Variants in RBM47 observed in about 807,000 individuals in gnomAD.
RBM47 encodes RNA binding motif protein 47.
RBM47 carries 21 observed loss-of-function variants against 47.1 expected under a neutral mutation model. The ratio of observed to expected loss-of-function variants is 0.45; its 90% CI spans 0.32 to 0.64. RBM47 has a LOEUF of 0.64. Among genes scored for constraint, RBM47 ranks in the 30% least tolerant of loss-of-function variants. RBM47 has a pLI of 0.05. For synonymous variants in RBM47, 375 were observed against 361.7 expected (o/e 1.04, Z -0.42); for missense variants, 708 against 870.9 (o/e 0.81, Z 2.35).
At chr4:40,579,357 G>A (rs1288000178) in intron 1 of RBM47, among the ~76,000 whole-genome samples, 6 of 148,094 alleles carry the variant, frequency 4.1e-5, no homozygotes, top group Non-Finnish European at 5.9e-5. Context: ...GGGAGGTGGA[G>A]GTTGTAGTGA....
intron 2 of RBM47, among the ~76,000 whole-genome samples, chr4:40,536,830 A>G (rs1728039891): frequency 6.6e-6 from 1 of 151,882 alleles, no homozygotes; most frequent in Non-Finnish European, 1.5e-5. Context: ...GGTTCAAGCA[A>G]TTCTCCTGCC....
intron 1 of RBM47, among the ~76,000 whole-genome samples, chr4:40,606,387 G>C (rs1735762949): frequency 6.6e-6 from 1 of 152,036 alleles, no homozygotes; most frequent in Non-Finnish European, 1.5e-5. Context: ...AAAAACGGTG[G>C]ACTAGTGGCA....
At chr4:40,520,373 C>T (rs1337008525) in intron 2 of RBM47, among the ~76,000 whole-genome samples, 1 of 152,020 alleles carries the variant, frequency 6.6e-6, no homozygotes, top group Non-Finnish European at 1.5e-5. Context: ...GCAGGTATAC[C>T]CCTAGAATTT....
At chr4:40,526,299 C>T (rs886167018) in intron 2 of RBM47, among the ~76,000 whole-genome samples, 6 of 152,180 alleles carry the variant, frequency 3.9e-5, no homozygotes, top group Admixed American at 6.6e-5. Flanking sequence ...ATCTACTCCC[C>T]GCCAGCCTGG....
intron 2 of RBM47, among the ~76,000 whole-genome samples, chr4:40,528,281 C>T (rs1474086183): frequency 2.0e-5 from 3 of 151,966 alleles, no homozygotes; most frequent in Non-Finnish European, 2.9e-5. Context: ...CGTGGTGGCA[C>T]GCCTGTAGTC....
At chr4:40,481,718 ATTT>A (rs1383583027) in intron 2 of RBM47, among the ~76,000 whole-genome samples, 1 of 151,894 alleles carries the variant, frequency 6.6e-6, no homozygotes, top group Non-Finnish European at 1.5e-5. Flanking sequence ...TGCCCAGCTA[ATTT>A]TTATATTTTT....
intron 1 of RBM47, among the ~76,000 whole-genome samples, chr4:40,618,205 A>G (rs1001434719): frequency 6.6e-6 from 1 of 151,762 alleles, no homozygotes; most frequent in African/African-American, 2.4e-5. Context: ...ATTGTACCAC[A>G]CTCCAGCCTA....
At chr4:40,507,557 G>A (rs899000476) in intron 2 of RBM47, among the ~76,000 whole-genome samples, 3 of 152,196 alleles carry the variant, frequency 2.0e-5, no homozygotes, top group African/African-American at 7.2e-5. Context: ...GGGAGGCCGA[G>A]GCGGATGGAT....
intron 2 of RBM47, among the ~76,000 whole-genome samples, chr4:40,503,721 G>GTC (rs1723711006): frequency 2.6e-5 from 4 of 152,008 alleles, no homozygotes; most frequent in African/African-American, 7.3e-5. Context: ...TAAGAGGGGG[G>GTC]AGAGAAGAAT....
At chr4:40,602,298 G>A (rs1735352527) in intron 1 of RBM47, among the ~76,000 whole-genome samples, 1 of 152,150 alleles carries the variant, frequency 6.6e-6, no homozygotes, top group African/African-American at 2.4e-5. Flanking sequence ...GACTCCATAT[G>A]GTTTGAATGT....
intron 2 of RBM47, among the ~76,000 whole-genome samples, chr4:40,537,168 G>C (rs569871021): frequency 2.6e-5 from 4 of 151,970 alleles, no homozygotes; most frequent in Non-Finnish European, 5.9e-5. Context: ...CTGGAGTGCA[G>C]TGGCATAATC....
Position 40,560,019 on chromosome 4 carries a change from G to A in RBM47, c.-239-15513C>T, listed in dbSNP as rs145684829. 2.6e-3 allele frequency among the ~76,000 whole-genome samples: 396 copies of A among 152,186 alleles called. 4 individuals carry two copies. Among genetic ancestry groups the A allele is most frequent in the Admixed American group, 6.8e-3 (104 of 15,268 alleles). On this transcript the variant is annotated intron_variant, in intron 1 of 6. Coordinates refer to ENST00000295971, the MANE Select transcript of RBM47 (RefSeq NM_001098634.2). ...GAGAATCACTCACCCATAACCACGC[G>A]CTCACTTTCTTGATATTACTCTCTT...
At chr4:40,428,115 C>G (rs2154208417) in intron 6 of RBM47, among the ~76,000 whole-genome samples, 1 of 152,260 alleles carries the variant, frequency 6.6e-6, no homozygotes, top group Non-Finnish European at 1.5e-5. Flanking sequence ...ATCACCTGAG[C>G]CTGGGAATTC....
chr4:40,433,069 T>A (rs553677781), intron 5 of RBM47, among the ~76,000 whole-genome samples: 1 of 152,236 alleles, frequency 6.6e-6, no homozygotes, highest in South Asian at 2.1e-4. Flanking sequence ...CAAGAGATCC[T>A]CCCACCTCAG....
At chr4:40,502,897 T>C (rs1418330404) in intron 2 of RBM47, among the ~76,000 whole-genome samples, 1 of 143,874 alleles carries the variant, frequency 7.0e-6, no homozygotes, top group Non-Finnish European at 1.5e-5. Flanking sequence ...CCCAGCACTT[T>C]GGGAGGCCAA....
intron 2 of RBM47, among the ~76,000 whole-genome samples, chr4:40,489,736 A>C (rs1244243495): frequency 1.3e-5 from 2 of 152,228 alleles, no homozygotes; most frequent in African/African-American, 4.8e-5. Flanking sequence ...GATTCTATCA[A>C]ATGTTTTAAA....
chr4:40,596,979 G>C (rs540310084), intron 1 of RBM47, among the ~76,000 whole-genome samples: 37 of 152,012 alleles, frequency 2.4e-4, no homozygotes, highest in Non-Finnish European at 3.5e-4. Flanking sequence ...TTAATTTATC[G>C]GCCGGGCGCG....
intron 1 of RBM47, among the ~76,000 whole-genome samples, chr4:40,607,402 A>G (rs10938276): frequency 0.52 from 78,358 of 151,944 alleles, 20,769 homozygotes; most frequent in African/African-American, 0.61. Context: ...TCTTTCTGGG[A>G]TAATGAAAAT....
intron 2 of RBM47, among the ~76,000 whole-genome samples, chr4:40,474,490 T>A (rs966075202): frequency 1.3e-5 from 2 of 152,214 alleles, no homozygotes; most frequent in Non-Finnish European, 2.9e-5. Context: ...CAAGTCTTTT[T>A]AAATGAATAT....
Sources: allele counts gnomAD v4.1 joint callset (sites outside exome capture counted in the v4.1 genomes callset), GRCh38; gene constraint gnomAD v4.1.1; transcripts MANE v1.5; gene names NCBI Gene and HGNC (gene_info 2026-07-23, HGNC 2026-07-21).